ASIC2: variants seen among roughly 807,000 people sequenced by gnomAD.
The protein encoded by ASIC2 is acid-sensing ion channel 2.
In ASIC2, 25 loss-of-function variants were observed where a neutral mutation model predicts 57.3. The ratio of observed to expected loss-of-function variants is 0.44; its 90% CI spans 0.32 to 0.61. The LOEUF (loss-of-function observed/expected upper bound fraction) is 0.61. ASIC2 is among the 20% of genes least tolerant of loss of function. The pLI is 0.06. For missense variants in ASIC2, 641 were observed against 738.1 expected (o/e 0.87, Z 1.52); for synonymous variants, 319 against 307.5 (o/e 1.04, Z -0.39).
chr17:33,830,199 G>C (rs927221359), intron 1 of ASIC2, among the ~76,000 whole-genome samples: 4 of 152,006 alleles, frequency 2.6e-5, no homozygotes, highest in Non-Finnish European at 5.9e-5. Context: ...CAGCACAATG[G>C]TTTGTCCAGA....
At chr17:33,863,224 G>A (rs1411721471) in intron 1 of ASIC2, among the ~76,000 whole-genome samples, 3 of 152,240 alleles carry the variant, frequency 2.0e-5, no homozygotes, top group African/African-American at 7.2e-5. Context: ...TCTGGGCCAC[G>A]TGGCTGAGAA....
At chr17:33,405,029 C>G (rs1192570571) in intron 1 of ASIC2, among the ~76,000 whole-genome samples, 1 of 151,616 alleles carries the variant, frequency 6.6e-6, no homozygotes, top group African/African-American at 2.4e-5. Context: ...TCTTGAACGC[C>G]AGGACACTCT....
intron 1 of ASIC2, among the ~76,000 whole-genome samples, chr17:33,875,207 A>G (rs1240739226): frequency 2.0e-5 from 3 of 152,224 alleles, no homozygotes; most frequent in African/African-American, 4.8e-5. Context: ...GTATATGCTC[A>G]GTTAATATTT....
At chr17:33,406,473 C>T (rs926917240) in intron 1 of ASIC2, among the ~76,000 whole-genome samples, 1 of 152,184 alleles carries the variant, frequency 6.6e-6, no homozygotes, top group African/African-American at 2.4e-5. Context: ...CTGTCAAACG[C>T]AGAACACAGA....
At chr17:34,082,412 TG>T (rs1321039006) in intron 1 of ASIC2, among the ~76,000 whole-genome samples, 2 of 152,194 alleles carry the variant, frequency 1.3e-5, no homozygotes, top group Admixed American at 6.5e-5. Context: ...CACAAAACTG[TG>T]ACATTTTAGT....
chr17:33,758,716 C>T (rs9912680), intron 1 of ASIC2, among the ~76,000 whole-genome samples: 19,802 of 152,022 alleles, frequency 0.13, 2,058 homozygotes, highest in East Asian at 0.55. Context: ...CATTAGCATG[C>T]TTGAGTCCCT....
At chr17:33,419,685 G>A (rs1457959216) in intron 1 of ASIC2, among the ~76,000 whole-genome samples, 1 of 152,210 alleles carries the variant, frequency 6.6e-6, no homozygotes. Context: ...AAATATGGAT[G>A]TGCAGGGATA....
intron 1 of ASIC2, among the ~76,000 whole-genome samples, chr17:33,124,416 A>G (rs953217510): frequency 1.6e-4 from 24 of 152,154 alleles, no homozygotes; most frequent in African/African-American, 5.8e-4. Flanking sequence ...AACAGACATA[A>G]TTGATTGATC....
upstream of ASIC2, among the ~76,000 whole-genome samples, chr17:33,297,823 AAAATAAATAAAT>A (rs200008797): frequency 3.4e-3 from 478 of 141,558 alleles, 5 homozygotes; most frequent in East Asian, 0.053. Flanking sequence ...ACCCTGTCTC[AAAATAAATAAAT>A]AAATAAATAA....
At chr17:33,398,336 T>A (rs950712511) in intron 1 of ASIC2, among the ~76,000 whole-genome samples, 1 of 152,092 alleles carries the variant, frequency 6.6e-6, no homozygotes, top group Admixed American at 6.5e-5. Flanking sequence ...AGAGCACGGG[T>A]TAACACAATG....
chr17:33,233,543 CACACACACACACACAT>C (rs1403363808), intron 1 of ASIC2, among the ~76,000 whole-genome samples: 14 of 150,736 alleles, frequency 9.3e-5, no homozygotes, highest in East Asian at 1.9e-4. Flanking sequence ...CACACACACA[CACACACACACACACAT>C]GGCATAAGCA....
At chr17:33,084,361 C>A (rs34123551) in intron 3 of ASIC2, among the ~76,000 whole-genome samples, 34,931 of 152,102 alleles carry the variant, frequency 0.23, 4,461 homozygotes, top group South Asian at 0.42. Flanking sequence ...TCTTTGGGCT[C>A]ATGGTAGGAA....
chr17:33,122,182 C>T (rs1435365551), intron 1 of ASIC2, among the ~76,000 whole-genome samples: 2 of 152,306 alleles, frequency 1.3e-5, no homozygotes, highest in East Asian at 3.9e-4. Context: ...TCCCTACTGC[C>T]TATTTCCAAC....
chr17:33,918,065 T>C (rs1259385022), intron 1 of ASIC2, among the ~76,000 whole-genome samples: 1 of 152,256 alleles, frequency 6.6e-6, no homozygotes, highest in Non-Finnish European at 1.5e-5. Flanking sequence ...TGCCTTGTGC[T>C]TAAGTAAGGA....
chr17:34,137,077 T>A (rs1289043367), intron 1 of ASIC2, among the ~76,000 whole-genome samples: 4 of 152,234 alleles, frequency 2.6e-5, no homozygotes, highest in Non-Finnish European at 4.4e-5. Flanking sequence ...TGAATCACTC[T>A]CGCTCCCTCT....
chr17:33,515,924 G>A (rs540451775), intron 1 of ASIC2, among the ~76,000 whole-genome samples: 4 of 151,754 alleles, frequency 2.6e-5, no homozygotes, highest in African/African-American at 7.3e-5. Context: ...GGCAAAACCC[G>A]GTCTCTAAAA....
intron 1 of ASIC2, among the ~76,000 whole-genome samples, chr17:33,954,814 C>T (rs1904683204): frequency 1.3e-5 from 2 of 152,188 alleles, no homozygotes; most frequent in South Asian, 4.1e-4. Flanking sequence ...AGGAAAGTTT[C>T]CCTGACATGC....
At chr17:33,689,495 C>T (rs1908299900) in intron 1 of ASIC2, among the ~76,000 whole-genome samples, 1 of 152,144 alleles carries the variant, frequency 6.6e-6, no homozygotes, top group African/African-American at 2.4e-5. Flanking sequence ...AATATGTATC[C>T]CTCTTTCCTC....
intron 1 of ASIC2, among the ~76,000 whole-genome samples, chr17:33,125,454 T>C (rs986107158): frequency 3.9e-5 from 6 of 152,170 alleles, no homozygotes; most frequent in Non-Finnish European, 7.3e-5. Flanking sequence ...AATTATGAAC[T>C]AAATATCAAA....
Sources: allele counts gnomAD v4.1 joint callset (sites outside exome capture counted in the v4.1 genomes callset), GRCh38; gene constraint gnomAD v4.1.1; transcripts MANE v1.5; gene names NCBI Gene and HGNC (gene_info 2026-07-23, HGNC 2026-07-21).